Variants in THSD4 observed in about 807,000 individuals in gnomAD.
THSD4 encodes thrombospondin type 1 domain containing 4.
A neutral mutation model predicts 119.0 loss-of-function variants in THSD4; 69 were observed. That is an observed-to-expected ratio of 0.58 (90% CI 0.48 to 0.71). THSD4 has a LOEUF of 0.71. Among genes scored for constraint, THSD4 ranks in the 30% least tolerant of loss-of-function variants. The pLI is 0.00. For missense variants in THSD4, 1,393 were observed against 1,391.1 expected (o/e 1.00, Z -0.02); for synonymous variants, 524 against 540.4 (o/e 0.97, Z 0.42).
At chr15:71,152,544 T>C (rs1388718909) in intron 2 of THSD4, among the ~76,000 whole-genome samples, 3 of 152,186 alleles carry the variant, frequency 2.0e-5, no homozygotes, top group Non-Finnish European at 4.4e-5. Flanking sequence ...CTCAGACCCC[T>C]GTAGTAGGGA....
intron 7 of THSD4, among the ~76,000 whole-genome samples, chr15:71,432,260 A>C (rs925466858): frequency 3.9e-5 from 6 of 152,226 alleles, no homozygotes; most frequent in Admixed American, 2.0e-4. Context: ...TGGAATGTTC[A>C]AAAGTAGTTC....
chr15:71,576,610 A>G (rs2049452424), intron 7 of THSD4, among the ~76,000 whole-genome samples: 1 of 152,198 alleles, frequency 6.6e-6, no homozygotes, highest in Non-Finnish European at 1.5e-5. Flanking sequence ...CTATGAAATT[A>G]TGTCAGTTTG....
At chr15:71,129,984 G>A (rs746669646) in intron 1 of THSD4, among the ~76,000 whole-genome samples, 11 of 152,184 alleles carry the variant, frequency 7.2e-5, no homozygotes, top group Non-Finnish European at 1.3e-4. Context: ...GGTCAAATGC[G>A]TGGAGGCACT....
intron 7 of THSD4, among the ~76,000 whole-genome samples, chr15:71,447,026 C>T (rs528826844): frequency 6.6e-6 from 1 of 150,902 alleles, no homozygotes; most frequent in East Asian, 1.9e-4. Context: ...GGAATGAAAA[C>T]GAAGGCACTG....
At chr15:71,614,916 C>T (rs1283363349) in intron 7 of THSD4, among the ~76,000 whole-genome samples, 2 of 152,126 alleles carry the variant, frequency 1.3e-5, no homozygotes, top group African/African-American at 2.4e-5. Flanking sequence ...CTGAGGCCGA[C>T]TCCTGGCTAG....
chr15:71,552,821 T>C (rs1381087678), intron 7 of THSD4, among the ~76,000 whole-genome samples: 1 of 152,156 alleles, frequency 6.6e-6, no homozygotes, highest in Non-Finnish European at 1.5e-5. Context: ...AATTTTTGTA[T>C]TTTTAGTAGA....
chr15:71,389,170 C>A (rs183617528), intron 6 of THSD4, among the ~76,000 whole-genome samples: 1 of 152,250 alleles, frequency 6.6e-6, no homozygotes, highest in East Asian at 1.9e-4. Context: ...ACCATCTTAA[C>A]CATTTTTAAG....
intron 6 of THSD4, among the ~76,000 whole-genome samples, chr15:71,306,634 C>T (rs996399755): frequency 1.3e-5 from 2 of 152,172 alleles, no homozygotes; most frequent in African/African-American, 4.8e-5. Flanking sequence ...TCTGTTAGAG[C>T]CATACATCTC....
intron 6 of THSD4, among the ~76,000 whole-genome samples, chr15:71,410,898 A>G (rs2046678146): frequency 6.6e-6 from 1 of 151,926 alleles, no homozygotes; most frequent in Non-Finnish European, 1.5e-5. Flanking sequence ...CACACACAAA[A>G]TTAGCTGGCT....
chr15:71,697,942 A>G (rs1193798094), intron 8 of THSD4, among the ~76,000 whole-genome samples: 1 of 151,942 alleles, frequency 6.6e-6, no homozygotes, highest in African/African-American at 2.4e-5. Flanking sequence ...GGGGGTAGAT[A>G]ATAGATGAAA....
At chr15:71,721,834 A>G (rs375616368) in intron 8 of THSD4, among the ~76,000 whole-genome samples, 116 of 152,020 alleles carry the variant, frequency 7.6e-4, no homozygotes, top group African/African-American at 2.6e-3. Context: ...ATAAGGGGCC[A>G]GGCATGATGG....
At position 71,256,692 on chromosome 15, in the gene THSD4, A is replaced by G. The variant is rs2044321781; in HGVS notation, c.992A>G (p.Tyr331Cys). 6.2e-7 allele frequency: 1 copy of G among 1,613,920 alleles called. No individual in the cohort carries two copies. The highest frequency in any genetic ancestry group is 8.5e-7 in the Non-Finnish European group (1 of 1,179,900). Residue 331 changes from tyrosine (Y) to cysteine (C), a missense_variant, in exon 6 of 18, where the codon TAT becomes TGT. Tyr to Cys is a radical substitution (Grantham distance 194, BLOSUM62 -2). Coordinates refer to ENST00000261862, the MANE Select transcript of THSD4 (RefSeq NM_024817.3). ...AACAAGCCATTCATGGGCCGGTTTT[A>G]TGAGTGGGAACCATTTGCAGAAGGT... ...YNNKPFMGRF[Y>C]EWEPFAEVKG...
chr15:71,633,062 A>C (rs2050662672), intron 7 of THSD4, among the ~76,000 whole-genome samples: 1 of 152,114 alleles, frequency 6.6e-6, no homozygotes, highest in South Asian at 2.1e-4. Context: ...CAAGAAAGAA[A>C]AGAGGACAAA....
intron 7 of THSD4, among the ~76,000 whole-genome samples, chr15:71,452,163 T>G (rs906614652): frequency 6.6e-6 from 1 of 152,156 alleles, no homozygotes; most frequent in Non-Finnish European, 1.5e-5. Flanking sequence ...ACATACTGGC[T>G]TTGTGGCTGC....
At position 71,650,692 on chromosome 15, in the gene THSD4, T is replaced by C. The variant is rs139223628; in HGVS notation, c.1153-9838T>C. Among the ~76,000 whole-genome samples the C allele has an allele frequency of 3.9e-3, 597 of 152,250 alleles. 5 individuals are homozygous for C. The highest frequency in any genetic ancestry group is 0.014 in the African/African-American group (561 of 41,536). ...AGAAAGAGGCCATCCGGGTACAACA[T>C]AGCAGTAATGTCAGACTAGGACACT... On this transcript the variant is annotated intron_variant, in intron 7 of 17. Transcript: ENST00000261862.
At chr15:71,606,106 G>C (rs2050105033) in intron 7 of THSD4, among the ~76,000 whole-genome samples, 1 of 152,240 alleles carries the variant, frequency 6.6e-6, no homozygotes, top group African/African-American at 2.4e-5. Flanking sequence ...CTTGACAAAG[G>C]AAATGTCTTC....
At chr15:71,670,328 G>T (rs2051498419) in intron 8 of THSD4, among the ~76,000 whole-genome samples, 1 of 151,974 alleles carries the variant, frequency 6.6e-6, no homozygotes, top group African/African-American at 2.4e-5. Context: ...AGAACATGCG[G>T]TGTTTGGTTT....
At chr15:71,203,380 CG>C (rs1425780330) in intron 3 of THSD4, among the ~76,000 whole-genome samples, 1 of 152,010 alleles carries the variant, frequency 6.6e-6, no homozygotes, top group East Asian at 1.9e-4. Context: ...GGCGGCCAGG[CG>C]TGATGGCTCA....
chr15:71,441,836 T>C (rs2140558021), intron 7 of THSD4, among the ~76,000 whole-genome samples: 1 of 152,308 alleles, frequency 6.6e-6, no homozygotes, highest in Admixed American at 6.5e-5. Context: ...AGAGCAGTAC[T>C]GACCCCGCAG....
Sources: allele counts gnomAD v4.1 joint callset (sites outside exome capture counted in the v4.1 genomes callset), GRCh38; gene constraint gnomAD v4.1.1; transcripts MANE v1.5; gene names NCBI Gene and HGNC (gene_info 2026-07-23, HGNC 2026-07-21).